RBFOX1: variants seen among roughly 807,000 people sequenced by gnomAD.
RBFOX1 encodes the protein RNA binding fox-1 homolog 1.
Under a neutral mutation model 57.7 loss-of-function variants are expected in RBFOX1, and 8 were observed. That is an observed-to-expected ratio of 0.14 (90% CI 0.08 to 0.25). The LOEUF is 0.25. Among genes scored for constraint, RBFOX1 ranks in the 10% least tolerant of loss-of-function variants. The pLI is 1.00. For synonymous variants in RBFOX1, 326 were observed against 222.4 expected (o/e 1.47, Z -4.15); for missense variants, 611 against 548.5 (o/e 1.11, Z -1.14).
At chr16:6,212,608 G>C (rs1299238462) in intron 1 of RBFOX1, among the ~76,000 whole-genome samples, 1 of 152,156 alleles carries the variant, frequency 6.6e-6, no homozygotes, top group African/African-American at 2.4e-5. Context: ...TTGGGAGGCT[G>C]AGGCTGGAGA....
intron 4 of RBFOX1, among the ~76,000 whole-genome samples, chr16:7,085,098 T>C (rs2059788964): frequency 9.4e-6 from 1 of 106,684 alleles, no homozygotes; most frequent in Non-Finnish European, 1.6e-5. Context: ...TATCTAAAGT[T>C]GTGTGTGTGT....
rs1366081831 is a variant in RBFOX1, at chr16:5,350,157, T to C, written c.219+110052T>C. Among the ~76,000 whole-genome samples the C allele has an allele frequency of 3.9e-5, 6 of 152,296 alleles. No individual in the cohort carries two copies. The South Asian group carries it at 1.2e-3, about 32-fold the overall frequency. ...GTTCCCTGCATGTGCATAATGTATG[T>C]GCTTGCTGTCAGGATTAACTGGGAA... is the stretch of plus-strand genomic sequence containing the variant. On this transcript the variant is annotated intron_variant, in intron 1 of 2. Transcript: ENST00000585867.
At chr16:5,817,997 G>A (rs2055706417) in intron 3 of RBFOX1, among the ~76,000 whole-genome samples, 1 of 152,114 alleles carries the variant, frequency 6.6e-6, no homozygotes, top group Non-Finnish European at 1.5e-5. Flanking sequence ...GCCAGGTCTT[G>A]TGGGCTGTAT....
chr16:5,536,504 G>A (rs2044703348), intron 2 of RBFOX1, among the ~76,000 whole-genome samples: 1 of 152,114 alleles, frequency 6.6e-6, no homozygotes, highest in African/African-American at 2.4e-5. Flanking sequence ...CCAAAGTGCT[G>A]AGATTACAGG....
intron 2 of RBFOX1, among the ~76,000 whole-genome samples, chr16:6,493,642 A>G (rs189153200): frequency 2.5e-4 from 38 of 152,330 alleles, no homozygotes; most frequent in African/African-American, 7.5e-4. Context: ...AACCCTTTAT[A>G]TAGCCTTTCA....
intron 2 of RBFOX1, among the ~76,000 whole-genome samples, chr16:6,516,178 G>A (rs1670979613): frequency 1.3e-5 from 2 of 152,080 alleles, no homozygotes; most frequent in South Asian, 2.1e-4. Flanking sequence ...ACAGGCATGT[G>A]CCACCATGCC....
At chr16:5,324,572 G>C (rs187783671) in intron 1 of RBFOX1, among the ~76,000 whole-genome samples, 37 of 152,240 alleles carry the variant, frequency 2.4e-4, no homozygotes, top group African/African-American at 7.7e-4. Context: ...GCCCATCAGT[G>C]GTAGATTGGA....
intron 2 of RBFOX1, among the ~76,000 whole-genome samples, chr16:6,595,935 T>C (rs2097772715): frequency 6.6e-6 from 1 of 152,184 alleles, no homozygotes; most frequent in Admixed American, 6.5e-5. Context: ...GTTTTATTGT[T>C]GGAAACTTTT....
chr16:6,072,081 C>T (rs1005419044), intron 1 of RBFOX1, among the ~76,000 whole-genome samples: 4 of 152,154 alleles, frequency 2.6e-5, no homozygotes, highest in African/African-American at 9.7e-5. Context: ...CTGGGGAGAC[C>T]TCACAATCAT....
At chr16:7,648,293 C>T (rs925717184) in intron 11 of RBFOX1, among the ~76,000 whole-genome samples, 1 of 152,146 alleles carries the variant, frequency 6.6e-6, no homozygotes, top group East Asian at 1.9e-4. Flanking sequence ...GATTTCTGCT[C>T]ACTGCAACCT....
At position 6,199,851 on chromosome 16, in the gene RBFOX1, C is replaced by T. The variant is rs767474737; in HGVS notation, c.-126-117144C>T. On this transcript the variant is annotated intron_variant, in intron 1 of 15. Coordinates refer to ENST00000550418, the MANE Select transcript of RBFOX1 (RefSeq NM_018723.4). Reference sequence around the variant, plus strand: ...ACTGCTCTGCCAACACTCTCAGCCACAGCTACCTATCAGAAGGTTATGAAG... The same window carrying T: ...ACTGCTCTGCCAACACTCTCAGCCATAGCTACCTATCAGAAGGTTATGAAG... Among the ~76,000 whole-genome samples the T allele has an allele frequency of 3.3e-5, 5 of 152,170 alleles. No homozygotes were observed. The East Asian group carries it at 9.6e-4, about 29-fold the overall frequency.
chr16:7,506,270 T>C (rs1362766772), intron 4 of RBFOX1, among the ~76,000 whole-genome samples: 1 of 149,634 alleles, frequency 6.7e-6, no homozygotes, highest in African/African-American at 2.5e-5. Flanking sequence ...TTTATCTAAA[T>C]GAGGTCAGAT....
chr16:5,756,280 A>T (rs1339943740), intron 3 of RBFOX1, among the ~76,000 whole-genome samples: 1 of 150,950 alleles, frequency 6.6e-6, no homozygotes. Flanking sequence ...GTATGGACAT[A>T]TGAAATGCCG....
At chr16:5,450,937 G>T (rs1009179582) in intron 1 of RBFOX1, among the ~76,000 whole-genome samples, 8 of 152,200 alleles carry the variant, frequency 5.3e-5, no homozygotes, top group Non-Finnish European at 8.8e-5. Flanking sequence ...GCTTGTCCGA[G>T]CCTCAGTGTT....
chr16:5,798,684 C>G (rs1396328794), intron 3 of RBFOX1, among the ~76,000 whole-genome samples: 1 of 152,254 alleles, frequency 6.6e-6, no homozygotes, highest in East Asian at 1.9e-4. Context: ...GAGAAGGGAC[C>G]TTCTGTTTAC....
intron 4 of RBFOX1, among the ~76,000 whole-genome samples, chr16:7,070,910 T>G (rs541304239): frequency 6.6e-6 from 1 of 152,174 alleles, no homozygotes; most frequent in Admixed American, 6.5e-5. Flanking sequence ...AGGTGAAGGG[T>G]TCATGAGCTA....
intron 1 of RBFOX1, among the ~76,000 whole-genome samples, chr16:5,292,568 T>G (rs929878076): frequency 1.3e-5 from 2 of 152,092 alleles, no homozygotes; most frequent in African/African-American, 2.4e-5. Flanking sequence ...TCACCATCAC[T>G]CCCCCTGATT....
chr16:6,767,648 G>T (rs1006742795), intron 3 of RBFOX1, among the ~76,000 whole-genome samples: 12 of 151,976 alleles, frequency 7.9e-5, no homozygotes, highest in African/African-American at 2.4e-4. Flanking sequence ...AGGTGTGGTG[G>T]CTTATGCCTG....
At chr16:6,334,035 A>G (rs947326375) in intron 2 of RBFOX1, among the ~76,000 whole-genome samples, 3 of 152,084 alleles carry the variant, frequency 2.0e-5, no homozygotes, top group Non-Finnish European at 2.9e-5. Context: ...ACTCCGAAGG[A>G]TTTTTCTAGA....
Sources: gnomAD v4.1 joint callset for allele counts (sites outside exome capture counted in the v4.1 genomes callset) on GRCh38, gnomAD v4.1.1 for gene constraint, MANE v1.5 for transcripts, NCBI Gene and HGNC (gene_info 2026-07-23, HGNC 2026-07-21) for gene names.